Variants in FLNB observed in about 807,000 individuals in gnomAD.
FLNB encodes the protein filamin B.
In FLNB, 111 loss-of-function variants were observed where a neutral mutation model predicts 250.6. The observed-to-expected ratio is 0.44, with a 90% CI of 0.38 to 0.52. The LOEUF (loss-of-function observed/expected upper bound fraction) is 0.52. Among genes scored for constraint, FLNB ranks in the 20% least tolerant of loss-of-function variants. The pLI, the probability that FLNB is intolerant of heterozygous loss-of-function variation, is 0.00. For synonymous variants in FLNB, 1,302 were observed against 1,372.1 expected (o/e 0.95, Z 1.13); for missense variants, 2,869 against 3,447.8 (o/e 0.83, Z 4.20).
Position 58,103,985 on chromosome 3 carries a change from A to T in FLNB, c.1510A>T (p.Lys504Ter). The change falls in exon 10 of 46, where the codon AAA becomes TAA. Residue 504 changes from lysine (K) to a stop codon, truncating the protein, a stop_gained. Coordinates refer to ENST00000295956, the MANE Select transcript of FLNB (RefSeq NM_001457.4). LOFTEE classifies it high-confidence loss of function. Reference protein sequence around the residue: ...PKGLEELVKQKDFLDGVYAFE... With the variant: ...PKGLEELVKQ ...GGGTCTGGAGGAGCTGGTGAAGCAG[A>T]AAGACTTTCTGGATGGGGTCTACGC... 1 of 1,614,156 alleles carries T rather than the reference A, an allele frequency of 6.2e-7. No homozygotes were observed. The highest frequency in any genetic ancestry group is 8.5e-7 in the Non-Finnish European group (1 of 1,180,030).
At chr3:58,071,874 G>T (rs568949552) in intron 1 of FLNB, among the ~76,000 whole-genome samples, 23 of 152,216 alleles carry the variant, frequency 1.5e-4, no homozygotes, top group Non-Finnish European at 2.8e-4. Context: ...GAGGTAAAAG[G>T]CCACCATCTC....
At chr3:58,153,219 G>A (rs985099270) in intron 38 of FLNB, among the ~76,000 whole-genome samples, 156 bp from the exon 39 acceptor site, 2 of 152,216 alleles carry the variant, frequency 1.3e-5, no homozygotes, top group African/African-American at 4.8e-5. Flanking sequence ...GGCCACAGAA[G>A]GGCAGGCACC....
intron 4 of FLNB, among the ~76,000 whole-genome samples, chr3:58,083,710 C>T (rs2106977393): frequency 6.6e-6 from 1 of 152,248 alleles, no homozygotes; most frequent in Non-Finnish European, 1.5e-5. Context: ...CGAGTCTTCT[C>T]ATCTGACTTT....
At chr3:58,161,418 T>G (rs2097361561) in intron 42 of FLNB, among the ~76,000 whole-genome samples, 2 of 152,182 alleles carry the variant, frequency 1.3e-5, no homozygotes. Context: ...GTTTACTAGA[T>G]CACTGTGAGG....
rs138106139 is a variant in FLNB, at chr3:58,136,941, G to A, written c.4861+773G>A. 6.7e-3 allele frequency among the ~76,000 whole-genome samples: 1,021 copies of A among 151,884 alleles called. 9 individuals carry two copies. The highest frequency in any genetic ancestry group is 0.024 in the African/African-American group (990 of 41,420). On this transcript the variant is annotated intron_variant, in intron 28 of 45. Coordinates refer to ENST00000295956, the MANE Select transcript of FLNB (RefSeq NM_001457.4). ...CACCATAATTGGCCAGGCTGGTCTC[G>A]AACTCCTGGCCTCAAGTGATCTGCC...
chr3:58,076,485 C>T (rs1404316882), intron 1 of FLNB, among the ~76,000 whole-genome samples: 2 of 152,186 alleles, frequency 1.3e-5, no homozygotes, highest in African/African-American at 4.8e-5. Context: ...GACAGGGTCT[C>T]ACTCTGTTGC....
At chr3:58,129,114 TC>T (rs922157255) in intron 24 of FLNB, among the ~76,000 whole-genome samples, 1 of 152,226 alleles carries the variant, frequency 6.6e-6, no homozygotes, top group African/African-American at 2.4e-5. Context: ...GCCTAGTTTT[TC>T]CTGGCCTGGT....
chr3:58,123,058 C>G, intron 20 of FLNB, 35 bp from the exon 21 acceptor site: 1 of 1,568,878 alleles, frequency 6.4e-7, no homozygotes, highest in Non-Finnish European at 8.8e-7. Flanking sequence ...AGCAGCGATC[C>G]CAGTGCAGTT....
At chr3:58,120,914 C>A (rs1374891246) in intron 19 of FLNB, among the ~76,000 whole-genome samples, 2 of 152,114 alleles carry the variant, frequency 1.3e-5, no homozygotes, top group Non-Finnish European at 2.9e-5. Flanking sequence ...CTGTGAAAGC[C>A]ATTGGTTAAT....
chr3:58,079,380 G>A (rs891156551), intron 3 of FLNB, among the ~76,000 whole-genome samples: 15 of 151,868 alleles, frequency 9.9e-5, no homozygotes, highest in Admixed American at 1.3e-4. Context: ...AGCCTCCTGA[G>A]TAGCTGGGAT....
chr3:58,086,585 G>T (rs1350683899), intron 4 of FLNB, among the ~76,000 whole-genome samples: 1 of 151,790 alleles, frequency 6.6e-6, no homozygotes, highest in African/African-American at 2.4e-5. Flanking sequence ...TTCTTTTTAG[G>T]CAGAAAGATT....
At chr3:58,093,381 A>G (rs1413346099) in intron 4 of FLNB, among the ~76,000 whole-genome samples, 1 of 152,198 alleles carries the variant, frequency 6.6e-6, no homozygotes, top group Admixed American at 6.5e-5. Context: ...CGTGATTGAC[A>G]TTAACTGAGA....
intron 1 of FLNB, among the ~76,000 whole-genome samples, chr3:58,018,742 T>C (rs2097109471): frequency 6.6e-6 from 1 of 152,030 alleles, no homozygotes; most frequent in East Asian, 1.9e-4. Flanking sequence ...GGTCTCGAAC[T>C]CCCAACCTCA....
Position 58,094,692 on chromosome 3 carries a change from T to C in FLNB, c.788-144T>C. The stretch of plus-strand genomic sequence containing the variant: ...GGCTTTCGACCTGCCTGATTTTCCT[T>C]GTCAAGGCAGTTTGTCCCCATTTCC... On this transcript the variant is annotated intron_variant, in intron 4 of 45. Coordinates refer to ENST00000295956, the MANE Select transcript of FLNB (RefSeq NM_001457.4). 4 of 767,306 alleles carry C rather than the reference T, an allele frequency of 5.2e-6. No homozygotes were observed. In the South Asian group the frequency reaches 5.7e-5, roughly 11 times the overall value. 47.5% of individuals were successfully genotyped at this position (767,306 alleles called of 1,614,324 possible).
rs768749018 is a variant in FLNB at position 58,098,895 on chromosome 3, G to A, written c.1332G>A (p.Val444=). ...CTATTCCTAAGAGTCCCTTCGTTGT[G>A]CAGGTTGGGGAAGGTGAGTGCTGGG... ...GDTIPKSPFV[V]QVGEACNPNA... The change falls in exon 8 of 46, where the codon GTG becomes GTA. Residue 444 remains valine, a synonymous_variant. Transcript: ENST00000295956. The A allele has an allele frequency of 6.2e-7, 1 of 1,613,982 alleles. No individual in the cohort carries two copies. Among genetic ancestry groups the A allele is most frequent in the South Asian group, 1.1e-5 (1 of 91,076 alleles).
At position 58,098,841 on chromosome 3, in the gene FLNB, C is replaced by G. The variant is rs572259451; in HGVS notation, c.1278C>G (p.His426Gln). 4 of 1,614,040 alleles carry G rather than the reference C, an allele frequency of 2.5e-6. No homozygotes were observed. Among genetic ancestry groups the G allele is most frequent in the South Asian group, 1.1e-5 (1 of 91,088 alleles). The change falls in exon 8 of 46, where the codon CAC (histidine) becomes CAG (glutamine). Residue 426 changes from histidine to glutamine, a missense_variant. His to Gln is a conservative substitution (Grantham distance 24). This residue lies in a region of FLNB where 1,348 missense variants were observed against 1,466.7 expected (regional missense o/e 0.92). Coordinates refer to ENST00000295956, the MANE Select transcript of FLNB (RefSeq NM_001457.4). ...ACAAACCCATGCAGCCTGGCCCTCA[C>G]GTGGTCAAGATCTTCTTTGCTGGGG... ...CVYKPMQPGP[H>Q]VVKIFFAGDT...
At position 58,112,085 on chromosome 3, in the gene FLNB, C is replaced by T. The variant is rs143013841; in HGVS notation, c.2576-64C>T. ...ACCTGGTGCTGTTGAACCTGTCTGA[C>T]GGGTTCTCAAAGTGAAACTACTCCA... On this transcript the variant is annotated intron_variant, in intron 17 of 45. Coordinates refer to ENST00000295956, the MANE Select transcript of FLNB (RefSeq NM_001457.4). 532 of 1,507,972 alleles carry T rather than the reference C, an allele frequency of 3.5e-4. 3 individuals carry two copies. The East Asian group carries it at 9.5e-3, about 27-fold the overall frequency. 93.4% of individuals were successfully genotyped at this position (1,507,972 alleles called of 1,614,324 possible).
chr3:58,143,416 C>G (rs2097330502), intron 31 of FLNB, 57 bp from the exon 32 acceptor site: 1 of 1,604,322 alleles, frequency 6.2e-7, no homozygotes, highest in South Asian at 1.1e-5. Flanking sequence ...TTGGGCTCTG[C>G]TTCTCTGGGG....
At chr3:58,069,370 G>A (rs771577906) in intron 1 of FLNB, among the ~76,000 whole-genome samples, 1 of 151,200 alleles carries the variant, frequency 6.6e-6, no homozygotes, top group African/African-American at 2.4e-5. Flanking sequence ...CTCCCAAGTA[G>A]CTGGGATTAC....
Sources: allele counts gnomAD v4.1 joint callset (sites outside exome capture counted in the v4.1 genomes callset), GRCh38; gene constraint gnomAD v4.1.1; regional missense constraint gnomAD v4.1.1; transcripts MANE v1.5; gene names NCBI Gene and HGNC (gene_info 2026-07-23, HGNC 2026-07-21).